NKIRAS1: variants seen among roughly 807,000 people sequenced by gnomAD.
The protein encoded by NKIRAS1 is NF-kappa-B inhibitor-interacting Ras-like protein 1.
In NKIRAS1, 16 loss-of-function variants were observed where a neutral mutation model predicts 19.8. That is an observed-to-expected ratio of 0.81 (90% CI 0.55 to 1.23). NKIRAS1 has a LOEUF of 1.23. Ranked by LOEUF, NKIRAS1 falls within the 50% of genes most tolerant of loss-of-function variation. The probability of loss-of-function intolerance (pLI) is 0.00; values close to 1 mark genes in which losing one functional copy is unlikely to be tolerated. For missense variants in NKIRAS1, 184 were observed against 220.0 expected (o/e 0.84, Z 1.04); for synonymous variants, 88 against 79.0 (o/e 1.11, Z -0.61).
intron 4 of NKIRAS1, among the ~76,000 whole-genome samples, chr3:23,896,957 G>C (rs1702054175): frequency 6.6e-6 from 1 of 152,152 alleles, no homozygotes; most frequent in African/African-American, 2.4e-5. Flanking sequence ...CATAATCCCA[G>C]CACTTTGGGA....
intron 1 of NKIRAS1, among the ~76,000 whole-genome samples, chr3:23,943,664 A>C (rs1705553171): frequency 6.6e-6 from 1 of 152,082 alleles, no homozygotes; most frequent in Admixed American, 6.5e-5. Flanking sequence ...CCTGTGTAGA[A>C]GTAGATGGTA....
chr3:23,895,925 G>A (rs1431093195), intron 4 of NKIRAS1, among the ~76,000 whole-genome samples: 1 of 151,878 alleles, frequency 6.6e-6, no homozygotes, highest in Non-Finnish European at 1.5e-5. Context: ...ATGAGGTCAG[G>A]AGATTGAGAC....
At chr3:23,917,691 C>A, upstream of NKIRAS1, 1 of 674,530 alleles carries the variant, frequency 1.5e-6, no homozygotes, top group Non-Finnish European at 2.5e-6. Flanking sequence ...TCCGTGGGCG[C>A]AGTGGTGGGG....
In NKIRAS1 at chr3:23,891,021, T is replaced by C. The variant is rs1701411793; in HGVS notation, c.*2074A>G. On this transcript the variant is annotated 3_prime_UTR_variant, in exon 5 of 5. Transcript: ENST00000425478. The stretch of plus-strand genomic sequence containing the variant: ...TGTTTTCCCTTCTTGGAAGGGAACA[T>C]TGATATTTAACAGAGTTTTTAGAGA... 2 of 153,734 alleles carry C rather than the reference T, an allele frequency of 1.3e-5. No individual in the cohort carries two copies. Among genetic ancestry groups the C allele is most frequent in the African/African-American group, 2.4e-5 (1 of 41,500 alleles). The allele number at this position is 153,734 out of a possible 1,614,324, so 9.5% of individuals were successfully genotyped here.
upstream of NKIRAS1, among the ~76,000 whole-genome samples, chr3:23,921,283 T>A (rs1285198671): frequency 6.6e-6 from 1 of 152,234 alleles, no homozygotes; most frequent in African/African-American, 2.4e-5. Flanking sequence ...CCTATTAAAT[T>A]GATCATGGCA....
At position 23,890,382 on chromosome 3, in the gene NKIRAS1, T is replaced by G; in HGVS notation, c.*2713A>C. 2.8e-6 allele frequency: 2 copies of G among 702,050 alleles called. No individual in the cohort carries two copies. The highest frequency in any genetic ancestry group is 2.3e-5 in the South Asian group (1 of 42,914). 43.5% of individuals were successfully genotyped at this position (702,050 alleles called of 1,614,324 possible). On this transcript the variant is annotated 3_prime_UTR_variant, in exon 5 of 5. Transcript: ENST00000425478. ...TGGAAAAATATCCAGCATGGTGGAG[T>G]GGTGTTTCGAAGATGGGTTTGATCA...
At position 23,890,374 on chromosome 3, in the gene NKIRAS1, TG is replaced by T; in HGVS notation, c.*2720del. 1 of 672,674 alleles carries T rather than the reference TG, an allele frequency of 1.5e-6. No homozygotes were observed. The highest frequency in any genetic ancestry group is 2.4e-6 in the Non-Finnish European group (1 of 412,258). 41.7% of individuals were successfully genotyped at this position (672,674 alleles called of 1,614,324 possible). On this transcript the variant is annotated 3_prime_UTR_variant, in exon 5 of 5. Coordinates refer to ENST00000425478, the MANE Select transcript of NKIRAS1 (RefSeq NM_020345.4). ...AATTTTGATGGAAAAATATCCAGCATGGTGGAGTGGTGTTTCGAAGATGGGT... is the reference window on the plus strand; with the variant it reads ...AATTTTGATGGAAAAATATCCAGCATGTGGAGTGGTGTTTCGAAGATGGGT...
chr3:23,918,564 G>C, upstream of NKIRAS1: 1 of 1,613,878 alleles, frequency 6.2e-7, no homozygotes, highest in Non-Finnish European at 8.5e-7. Flanking sequence ...GAAGCCTTCA[G>C]TCCGTTGCAG....
At chr3:23,896,243 G>A (rs1175596689) in intron 4 of NKIRAS1, among the ~76,000 whole-genome samples, 1 of 151,252 alleles carries the variant, frequency 6.6e-6, no homozygotes, top group South Asian at 2.1e-4. Context: ...TCCTTCACCC[G>A]GACAAGGGTG....
rs1406481758 is a variant in NKIRAS1, at chr3:23,892,262, AAGTC to A, written c.*829_*832del. 2.6e-5 allele frequency: 4 copies of A among 152,320 alleles called. No homozygotes were observed. Among genetic ancestry groups the A allele is most frequent in the Admixed American group, 1.3e-4 (2 of 15,302 alleles). The allele number at this position is 152,320 out of a possible 1,614,324, so 9.4% of individuals were successfully genotyped here. A position where few individuals can be genotyped will look rare whatever the true frequency, so the allele number is the denominator to read the frequency against. On this transcript the variant is annotated 3_prime_UTR_variant, in exon 5 of 5. Coordinates refer to ENST00000425478, the MANE Select transcript of NKIRAS1 (RefSeq NM_020345.4). ...AGAAACAACACAAACTCAGACATCT[AAGTC>A]AGATCAAATTAGAGCCCAATATTTT...
At chr3:23,907,838 C>T (rs1172117295) in intron 3 of NKIRAS1, among the ~76,000 whole-genome samples, 2 of 152,146 alleles carry the variant, frequency 1.3e-5, no homozygotes, top group African/African-American at 4.8e-5. Flanking sequence ...AGCATTTCTG[C>T]ATGCAATTAT....
chr3:23,906,927 T>C (rs532254431), intron 3 of NKIRAS1, among the ~76,000 whole-genome samples: 2 of 152,196 alleles, frequency 1.3e-5, no homozygotes, highest in Non-Finnish European at 2.9e-5. Context: ...ACAGTCTCGC[T>C]CTGTTGCCCA....
chr3:23,920,262 A>G (rs779286291), upstream of NKIRAS1: 278 of 985,534 alleles, frequency 2.8e-4, no homozygotes, highest in Middle Eastern at 5.2e-4. Context: ...CTTCAGTCAC[A>G]TTAGGGGGAA....
chr3:23,916,941 ACGCCCAGG>A lies in NKIRAS1; in HGVS notation c.-305_-298del, dbSNP rs1704599796. 1 of 152,524 alleles carries A rather than the reference ACGCCCAGG, an allele frequency of 6.6e-6. No homozygotes were observed. Among genetic ancestry groups the A allele is most frequent in the African/African-American group, 2.4e-5 (1 of 41,426 alleles). The allele number at this position is 152,524 out of a possible 1,614,324, so 9.4% of individuals were successfully genotyped here. On this transcript the variant is annotated 5_prime_UTR_variant, in exon 1 of 5. Coordinates refer to ENST00000425478, the MANE Select transcript of NKIRAS1 (RefSeq NM_020345.4). ...GCCGCCAACTCTCTCACCTCTCGAG[ACGCCCAGG>A]CCGCTCAGGCTCGAATCTTGCGGAG...
chr3:23,893,572 C>T (rs1425397720), intron 4 of NKIRAS1, among the ~76,000 whole-genome samples: 2 of 151,890 alleles, frequency 1.3e-5, no homozygotes, highest in Admixed American at 6.6e-5. Flanking sequence ...TTTGGGAGGC[C>T]GAGGCTCGTG....
intron 1 of NKIRAS1, among the ~76,000 whole-genome samples, chr3:23,930,890 G>C (rs1418538811): frequency 7.6e-6 from 1 of 131,582 alleles, no homozygotes; most frequent in Non-Finnish European, 1.6e-5. Context: ...TTTTTTTGTA[G>C]AGACAGAATT....
At chr3:23,906,115 TGC>T in intron 3 of NKIRAS1, among the ~76,000 whole-genome samples, 1 of 135,084 alleles carries the variant, frequency 7.4e-6, no homozygotes, top group Non-Finnish European at 1.5e-5. Flanking sequence ...GCCGAGATCG[TGC>T]CACTGCACTC....
At chr3:23,910,346 G>T (rs1703562527) in intron 3 of NKIRAS1, among the ~76,000 whole-genome samples, 1 of 151,596 alleles carries the variant, frequency 6.6e-6, no homozygotes, top group Non-Finnish European at 1.5e-5. Flanking sequence ...AGTAGAGACA[G>T]GTTTCACCAT....
At chr3:23,918,610 C>G, upstream of NKIRAS1, 1 of 1,605,746 alleles carries the variant, frequency 6.2e-7, no homozygotes, top group Non-Finnish European at 8.5e-7. Flanking sequence ...ATATTGAATA[C>G]TGCCTGGGGA....
Sources: gnomAD v4.1 joint callset for allele counts (sites outside exome capture counted in the v4.1 genomes callset) on GRCh38, gnomAD v4.1.1 for gene constraint, MANE v1.5 for transcripts, NCBI Gene and HGNC (gene_info 2026-07-23, HGNC 2026-07-21) for gene names.